Variants in EMCN observed in about 807,000 individuals in gnomAD.
EMCN encodes MUC-14.
Under a neutral mutation model 38.4 loss-of-function variants are expected in EMCN, and 37 were observed. The observed-to-expected ratio is 0.96, with a 90% confidence interval of 0.74 to 1.27. The LOEUF is 1.27. Among genes scored for constraint, EMCN ranks in the 50% most tolerant of loss-of-function variants. The pLI is 0.00. For synonymous variants in EMCN, 95 were observed against 100.8 expected, an observed-to-expected ratio of 0.94 and a Z score of 0.35; for missense variants, 318 against 302.8, an observed-to-expected ratio of 1.05 and a Z score of -0.37.
chr4:100,463,938 T>A (rs1338192331), intron 4 of EMCN, among the ~76,000 whole-genome samples: 1 of 152,150 alleles, frequency 6.6e-6, no homozygotes, highest in Non-Finnish European at 1.5e-5. Context: ...CTTATCAATT[T>A]CTTTAAAAGA....
intron 2 of EMCN, among the ~76,000 whole-genome samples, chr4:100,478,997 A>G (rs573049542): frequency 1.3e-5 from 2 of 152,268 alleles, no homozygotes; most frequent in South Asian, 4.2e-4. Context: ...TCATCTTATA[A>G]TCAAACAATG....
intron 3 of EMCN, among the ~76,000 whole-genome samples, chr4:100,467,504 C>T (rs551203214): frequency 1.3e-5 from 2 of 151,760 alleles, no homozygotes; most frequent in South Asian, 4.2e-4. Context: ...CGGTGAAACC[C>T]CGTCTCTACT....
chr4:100,464,992 A>T (rs1195460534), intron 4 of EMCN, among the ~76,000 whole-genome samples: 3 of 152,172 alleles, frequency 2.0e-5, no homozygotes, highest in Non-Finnish European at 4.4e-5. Flanking sequence ...AATTGAAGCC[A>T]TCATGGCTTG....
At chr4:100,446,760 G>T (rs544365250) in intron 5 of EMCN, among the ~76,000 whole-genome samples, 17 of 151,998 alleles carry the variant, frequency 1.1e-4, no homozygotes, top group Non-Finnish European at 2.4e-4. Flanking sequence ...CCCTCAGGTA[G>T]ACCCCAGTTT....
At chr4:100,446,273 T>A (rs760508314) in intron 5 of EMCN, 897 of 872,892 alleles carry the variant, frequency 1.0e-3, no homozygotes, top group Middle Eastern at 1.2e-3. Flanking sequence ...TAATAAAAAA[T>A]ATGGTGATTA....
intron 2 of EMCN, among the ~76,000 whole-genome samples, chr4:100,477,988 G>A (rs968729062): frequency 6.6e-6 from 1 of 152,082 alleles, no homozygotes; most frequent in African/African-American, 2.4e-5. Flanking sequence ...TAATTGCGTT[G>A]CTCTTTGGAA....
intron 5 of EMCN, among the ~76,000 whole-genome samples, chr4:100,443,781 A>G (rs1727588514): frequency 6.6e-6 from 1 of 152,164 alleles, no homozygotes; most frequent in Admixed American, 6.5e-5. Context: ...TCACCATCTT[A>G]GGCCCAGAGT....
chr4:100,461,637 C>G (rs1728181784), intron 4 of EMCN, among the ~76,000 whole-genome samples: 1 of 152,102 alleles, frequency 6.6e-6, no homozygotes, highest in Non-Finnish European at 1.5e-5. Context: ...AAAATACACA[C>G]CCCTCTAAAA....
intron 11 of EMCN, among the ~76,000 whole-genome samples, chr4:100,398,690 C>T (rs1007595172): frequency 1.3e-5 from 2 of 152,104 alleles, no homozygotes; most frequent in African/African-American, 4.8e-5. Context: ...TTCTTCCTCA[C>T]TCCCCATTGG....
chr4:100,462,407 C>T (rs1578209891), intron 4 of EMCN, among the ~76,000 whole-genome samples: 2 of 152,122 alleles, frequency 1.3e-5, no homozygotes, highest in South Asian at 4.1e-4. Flanking sequence ...TTAACTGACT[C>T]ATGGGCTGAC....
chr4:100,485,215 A>G (rs945647323), intron 1 of EMCN, among the ~76,000 whole-genome samples: 24 of 152,172 alleles, frequency 1.6e-4, no homozygotes, highest in Admixed American at 9.2e-4. Context: ...ACAACTTACA[A>G]TGTCTTATTT....
intron 8 of EMCN, 110 bp from the exon 9 acceptor site, chr4:100,417,251 T>C: frequency 1.1e-6 from 1 of 944,238 alleles, no homozygotes; most frequent in Non-Finnish European, 1.7e-6. Context: ...TATGCAGAGA[T>C]GTTTCTAAGT....
intron 4 of EMCN, among the ~76,000 whole-genome samples, chr4:100,452,955 T>G (rs1424403900): frequency 6.6e-6 from 1 of 152,172 alleles, no homozygotes; most frequent in African/African-American, 2.4e-5. Context: ...TAAATGGTGC[T>G]GGGAAAACTG....
chr4:100,434,471 A>C (rs1291592618), intron 5 of EMCN, among the ~76,000 whole-genome samples: 2 of 151,732 alleles, frequency 1.3e-5, no homozygotes, highest in Non-Finnish European at 2.9e-5. Flanking sequence ...CACCATTTCT[A>C]CTGAAACTAT....
At chr4:100,507,799 T>C (rs1189312699) in intron 1 of EMCN, among the ~76,000 whole-genome samples, 3 of 152,138 alleles carry the variant, frequency 2.0e-5, no homozygotes, top group African/African-American at 7.2e-5. Flanking sequence ...CTCCAAGTCT[T>C]TTTTCTAGCC....
rs768342617 is a variant in EMCN, at chr4:100,423,076, T to A, written c.513A>T (p.Ile171=). ...IPENTSQSQV[I]GTEGGKNAST... The stretch of plus-strand genomic sequence containing the variant: ...TTGCATTTTTTCCACCCTCAGTGCC[T>A]ATTACTTTAAGAAAGAAAAAAACAA... The change falls in exon 7 of 12, where the codon ATA becomes ATT. Residue 171 remains isoleucine, a synonymous_variant. Coordinates refer to ENST00000296420, the MANE Select transcript of EMCN (RefSeq NM_016242.4). The A allele has an allele frequency of 5.0e-6, 8 of 1,612,952 alleles. No individual in the cohort carries two copies. The highest frequency in any genetic ancestry group is 2.5e-6 in the Non-Finnish European group (3 of 1,179,360).
intron 5 of EMCN, among the ~76,000 whole-genome samples, chr4:100,432,268 CT>C (rs532983337): frequency 3.5e-4 from 52 of 150,670 alleles, no homozygotes; most frequent in African/African-American, 1.1e-3. Flanking sequence ...TAAAACCAGC[CT>C]TTTTTTTTCA....
intron 10 of EMCN, among the ~76,000 whole-genome samples, chr4:100,413,660 C>T (rs1726629130): frequency 6.6e-6 from 1 of 152,136 alleles, no homozygotes; most frequent in Non-Finnish European, 1.5e-5. Flanking sequence ...GAAGTCTACT[C>T]TGAATCATCA....
chr4:100,462,492 A>G (rs540306026), intron 4 of EMCN, among the ~76,000 whole-genome samples: 12 of 152,282 alleles, frequency 7.9e-5, no homozygotes, highest in Non-Finnish European at 1.3e-4. Flanking sequence ...CTCACAAGTC[A>G]CTGAATGGGT....
Sources: gnomAD v4.1 joint callset for allele counts (sites outside exome capture counted in the v4.1 genomes callset) on GRCh38, gnomAD v4.1.1 for gene constraint, MANE v1.5 for transcripts, NCBI Gene and HGNC (gene_info 2026-07-23, HGNC 2026-07-21) for gene names.